IL1RAPL2: variants seen among roughly 807,000 people sequenced by gnomAD.
IL1RAPL2 encodes the protein X-linked interleukin-1 receptor accessory protein-like 2.
In IL1RAPL2, 3 loss-of-function variants were observed where a neutral mutation model predicts 44.1. The observed-to-expected ratio is 0.07, with a 90% confidence interval of 0.03 to 0.18. The LOEUF (loss-of-function observed/expected upper bound fraction) is 0.18, where lower values mean the gene tolerates loss of function less well. Ranked by LOEUF, IL1RAPL2 falls within the 10% of genes least tolerant of loss-of-function variation. The pLI is 1.00. For missense variants in IL1RAPL2, 391 were observed against 496.4 expected, an observed-to-expected ratio of 0.79 and a Z score of 2.02; for synonymous variants, 181 against 178.8, an observed-to-expected ratio of 1.01 and a Z score of -0.10.
At chrX:104,692,175 T>C (rs759742603) in intron 2 of IL1RAPL2, among the ~76,000 whole-genome samples, 29 of 111,118 alleles carry the variant, frequency 2.6e-4, no homozygotes, top group Admixed American at 2.3e-3. Flanking sequence ...TCATAGTTTA[T>C]TCACTAATCC....
rs183880801 is a variant in IL1RAPL2 at position 105,379,737 on chromosome X, T to A, written c.698-104576T>A. ...TGGAGATAACAACTACTCCATGAGA[T>A]GGCTGTAAGATTAAAATAAGATTGT... On this transcript the variant is annotated intron_variant, in intron 5 of 10. Transcript: ENST00000372582. 2.4e-4 allele frequency among the ~76,000 whole-genome samples: 27 copies of A among 111,808 alleles called. No individual in the cohort carries two copies. The South Asian group carries it at 3.0e-3, about 12-fold the overall frequency.
intron 2 of IL1RAPL2, among the ~76,000 whole-genome samples, chrX:105,051,601 A>G (rs772008358): frequency 9.6e-4 from 108 of 113,009 alleles, no homozygotes; most frequent in African/African-American, 3.4e-3. Context: ...TCCAAAGAGC[A>G]GGAGGCCTGG....
intron 1 of IL1RAPL2, among the ~76,000 whole-genome samples, chrX:104,569,087 C>T (rs980867920): frequency 1.8e-5 from 2 of 112,338 alleles, no homozygotes; most frequent in Non-Finnish European, 3.8e-5. Flanking sequence ...AGGCAAGTTG[C>T]GACCAAAGCT....
At chrX:105,275,927 C>G (rs146283175) in intron 5 of IL1RAPL2, among the ~76,000 whole-genome samples, 152 of 111,724 alleles carry the variant, frequency 1.4e-3, no homozygotes, top group African/African-American at 4.8e-3. Flanking sequence ...AGATGCAACT[C>G]AAGGAGGATT....
chrX:105,263,441 A>G (rs2034376520), intron 4 of IL1RAPL2, among the ~76,000 whole-genome samples: 1 of 111,774 alleles, frequency 8.9e-6, no homozygotes, highest in South Asian at 3.7e-4. Context: ...CACTAAAGTA[A>G]CCACAACCAC....
chrX:105,418,710 TACAC>T (rs2035752202), intron 5 of IL1RAPL2, among the ~76,000 whole-genome samples: 2 of 112,043 alleles, frequency 1.8e-5, no homozygotes, highest in East Asian at 5.6e-4. Context: ...GGTTTGAATC[TACAC>T]TAATCCCAAG....
At chrX:105,031,163 T>C (rs1161608875) in intron 2 of IL1RAPL2, among the ~76,000 whole-genome samples, 3 of 110,379 alleles carry the variant, frequency 2.7e-5, no homozygotes, top group African/African-American at 3.3e-5. Context: ...TGGGGTTTTC[T>C]AGATATACAA....
At chrX:105,093,090 G>T (rs950231717) in intron 2 of IL1RAPL2, among the ~76,000 whole-genome samples, 1 of 110,102 alleles carries the variant, frequency 9.1e-6, no homozygotes, top group Admixed American at 9.8e-5. Flanking sequence ...ACAAAAGTGG[G>T]TAGAAAGTTT....
chrX:105,313,397 A>G (rs946547979), intron 5 of IL1RAPL2, among the ~76,000 whole-genome samples: 1 of 112,252 alleles, frequency 8.9e-6, no homozygotes, highest in Admixed American at 9.5e-5. Context: ...AATGACTTCA[A>G]CAGAAACAGG....
At chrX:104,806,899 G>T in intron 2 of IL1RAPL2, among the ~76,000 whole-genome samples, 1 of 111,920 alleles carries the variant, frequency 8.9e-6, no homozygotes, top group East Asian at 2.8e-4. Context: ...TGCCTGGTCC[G>T]GGGGTAGTCC....
intron 6 of IL1RAPL2, among the ~76,000 whole-genome samples, chrX:105,534,954 G>T (rs1186548644): frequency 2.7e-5 from 3 of 111,738 alleles, no homozygotes; most frequent in African/African-American, 9.7e-5. Flanking sequence ...TTCATGACCT[G>T]GGAATAGGCA....
At chrX:105,571,602 T>C (rs2037014588) in intron 6 of IL1RAPL2, among the ~76,000 whole-genome samples, 1 of 111,090 alleles carries the variant, frequency 9.0e-6, no homozygotes. Flanking sequence ...TCTCATATTA[T>C]GGTTGATAAT....
intron 6 of IL1RAPL2, among the ~76,000 whole-genome samples, chrX:105,550,093 T>C (rs1318200835): frequency 8.9e-5 from 10 of 112,088 alleles, no homozygotes; most frequent in African/African-American, 3.2e-4. Context: ...GCTTTTTCAC[T>C]GCACCTTCTT....
At chrX:105,447,334 AATATAAATATATAAAT>A (rs1337753976) in intron 5 of IL1RAPL2, among the ~76,000 whole-genome samples, 7 of 65,074 alleles carry the variant, frequency 1.1e-4, no homozygotes, top group Admixed American at 2.9e-4. Context: ...TATATATAAA[AATATAAATATATAAAT>A]ATATAAATAT....
At chrX:105,544,772 TCTTTC>T (rs2036776999) in intron 6 of IL1RAPL2, among the ~76,000 whole-genome samples, 1 of 111,806 alleles carries the variant, frequency 8.9e-6, no homozygotes, top group African/African-American at 3.3e-5. Context: ...CCTCTTTCTT[TCTTTC>T]TTTTTTGATT....
At chrX:104,857,690 T>C (rs1922398358) in intron 2 of IL1RAPL2, among the ~76,000 whole-genome samples, 1 of 111,446 alleles carries the variant, frequency 9.0e-6, no homozygotes, top group Non-Finnish European at 1.9e-5. Flanking sequence ...AGTCCTCAGG[T>C]CACATTTTAA....
intron 6 of IL1RAPL2, among the ~76,000 whole-genome samples, chrX:105,597,936 C>T (rs945004465): frequency 9.0e-6 from 1 of 110,938 alleles, no homozygotes; most frequent in Admixed American, 9.6e-5. Flanking sequence ...TACCATATGA[C>T]CCAACAATTC....
At chrX:105,392,190 A>G (rs974090506) in intron 5 of IL1RAPL2, among the ~76,000 whole-genome samples, 2 of 110,532 alleles carry the variant, frequency 1.8e-5, no homozygotes, top group Non-Finnish European at 3.8e-5. Context: ...AAGATTAGCC[A>G]GGTCCTGTTG....
intron 5 of IL1RAPL2, among the ~76,000 whole-genome samples, chrX:105,376,538 T>G (rs56336229): frequency 0.13 from 14,610 of 111,847 alleles, 2,318 homozygotes; most frequent in African/African-American, 0.45. Context: ...TTCTCAAATA[T>G]CTGAGACTTT....
Sources: gnomAD v4.1 joint callset for allele counts (sites outside exome capture counted in the v4.1 genomes callset) on GRCh38, gnomAD v4.1.1 for gene constraint, MANE v1.5 for transcripts, NCBI Gene and HGNC (gene_info 2026-07-23, HGNC 2026-07-21) for gene names.